TSPAN5: variants seen among roughly 807,000 people sequenced by gnomAD.
The protein encoded by TSPAN5 is tetraspanin-5.
In TSPAN5, 10 loss-of-function variants were observed where a neutral mutation model predicts 37.1. The ratio of observed to expected loss-of-function variants is 0.27; its 90% confidence interval spans 0.17 to 0.46. The LOEUF is 0.46. Ranked by LOEUF, TSPAN5 falls within the 20% of genes least tolerant of loss-of-function variation. TSPAN5 has a pLI of 1.00. For missense variants in TSPAN5, 195 were observed against 326.6 expected (o/e 0.60, Z 3.11); for synonymous variants, 110 against 118.9 (o/e 0.93, Z 0.48).
At chr4:98,631,472 C>T (rs1451954873) in intron 1 of TSPAN5, among the ~76,000 whole-genome samples, 2 of 152,054 alleles carry the variant, frequency 1.3e-5, no homozygotes, top group African/African-American at 4.8e-5. Context: ...ACATAGCACT[C>T]GATCTTTTTT....
chr4:98,504,780 C>G (rs971057089), intron 2 of TSPAN5, among the ~76,000 whole-genome samples: 11 of 152,068 alleles, frequency 7.2e-5, no homozygotes, highest in African/African-American at 2.7e-4. Context: ...GTGTGTATTC[C>G]ACACATGTCA....
In TSPAN5 at chr4:98,589,753, G is replaced by A. The variant is rs528681408; in HGVS notation, c.81+68393C>T. On this transcript the variant is annotated intron_variant, in intron 1 of 7. Transcript: ENST00000305798. ...AAATTTTTCATTACCTTGTGTTAAT[G>A]AAAACCATTTTCTCTGACCAACGCG... 2.0e-5 allele frequency among the ~76,000 whole-genome samples: 3 copies of A among 152,252 alleles called. No individual in the cohort carries two copies. In the South Asian group the frequency reaches 6.2e-4, roughly 32 times the overall value.
At chr4:98,582,914 T>C (rs1755401851) in intron 1 of TSPAN5, among the ~76,000 whole-genome samples, 1 of 152,186 alleles carries the variant, frequency 6.6e-6, no homozygotes. Context: ...GTCAAATAGC[T>C]GTTATGAGTT....
intron 7 of TSPAN5, among the ~76,000 whole-genome samples, chr4:98,473,932 TTTAAG>T (rs1752640883): frequency 1.3e-5 from 2 of 152,188 alleles, no homozygotes; most frequent in South Asian, 2.1e-4. Context: ...GCTGCCCATT[TTTAAG>T]TTGTTTGTCT....
chr4:98,476,571 C>A, intron 5 of TSPAN5, 111 bp from the exon 6 acceptor site: 1 of 951,980 alleles, frequency 1.1e-6, no homozygotes, highest in South Asian at 1.4e-5. Context: ...TGTATCTGGG[C>A]ACAAAGACTG....
intron 2 of TSPAN5, among the ~76,000 whole-genome samples, chr4:98,494,295 C>T (rs901989151): frequency 2.8e-4 from 43 of 151,966 alleles, no homozygotes; most frequent in East Asian, 2.0e-4. Context: ...CCTCCAATAT[C>T]CCCTGGGATC....
intron 1 of TSPAN5, among the ~76,000 whole-genome samples, chr4:98,564,651 T>C (rs1447869321): frequency 6.6e-6 from 1 of 152,136 alleles, no homozygotes; most frequent in Non-Finnish European, 1.5e-5. Context: ...ATTTAACTGC[T>C]GAGGCTTGGG....
intron 3 of TSPAN5, chr4:98,483,650 G>A (rs150002188): frequency 1.3e-5 from 2 of 152,406 alleles, no homozygotes; most frequent in East Asian, 3.9e-4. Context: ...AGGAGTGGAA[G>A]GTGGAAATAA....
At chr4:98,651,808 G>A (rs554088401) in intron 1 of TSPAN5, among the ~76,000 whole-genome samples, 52 of 151,158 alleles carry the variant, frequency 3.4e-4, no homozygotes, top group Non-Finnish European at 7.1e-4. Context: ...TAGGAAGTTA[G>A]AGGAGATGAT....
chr4:98,475,167 G>A (rs928023809), intron 7 of TSPAN5, among the ~76,000 whole-genome samples: 2 of 152,126 alleles, frequency 1.3e-5, no homozygotes, highest in Admixed American at 1.3e-4. Context: ...TTTTCCATAT[G>A]AATTTTAGGA....
chr4:98,604,083 A>G lies in TSPAN5; in HGVS notation c.81+54063T>C, dbSNP rs187810502. Among the ~76,000 whole-genome samples, 331 of 149,324 alleles carry G rather than the reference A, an allele frequency of 2.2e-3. 3 individuals carry two copies. The highest frequency in any genetic ancestry group is 0.014 in the Middle Eastern group (4 of 284). On this transcript the variant is annotated intron_variant, in intron 1 of 7. Coordinates refer to ENST00000305798, the MANE Select transcript of TSPAN5 (RefSeq NM_005723.4). Reference sequence around the variant, plus strand: ...TATGAAAACAGGCTGAACTAGCATGAAAAAAAAAAGAGAGTATCAGTCATT... The same window carrying G: ...TATGAAAACAGGCTGAACTAGCATGGAAAAAAAAAGAGAGTATCAGTCATT...
chr4:98,597,342 A>G (rs1383287866), intron 1 of TSPAN5, among the ~76,000 whole-genome samples: 1 of 19,070 alleles, frequency 5.2e-5, no homozygotes, highest in South Asian at 3.8e-3. Flanking sequence ...ATTCTTCTAA[A>G]TTTTTTTCAA....
chr4:98,513,481 G>A (rs1051482016), intron 1 of TSPAN5, among the ~76,000 whole-genome samples: 8 of 152,124 alleles, frequency 5.3e-5, no homozygotes, highest in Non-Finnish European at 8.8e-5. Flanking sequence ...ATCATGTCCT[G>A]GGCTGAAATA....
chr4:98,520,638 C>G (rs769204014), intron 1 of TSPAN5, among the ~76,000 whole-genome samples: 22 of 152,176 alleles, frequency 1.4e-4, no homozygotes, highest in Non-Finnish European at 2.9e-4. Flanking sequence ...ATAGTCTCCT[C>G]AAGTGTAAAT....
At chr4:98,531,606 T>C (rs1754092005) in intron 1 of TSPAN5, among the ~76,000 whole-genome samples, 1 of 152,186 alleles carries the variant, frequency 6.6e-6, no homozygotes, top group African/African-American at 2.4e-5. Context: ...GGTCAAATGG[T>C]ATTTCTAGTT....
chr4:98,530,691 A>G (rs2110128056), intron 1 of TSPAN5, among the ~76,000 whole-genome samples: 1 of 152,068 alleles, frequency 6.6e-6, no homozygotes, highest in East Asian at 1.9e-4. Flanking sequence ...AGCAGTTATT[A>G]GATTCACTTA....
Position 98,499,634 on chromosome 4 carries a change from C to T in TSPAN5, c.132+8044G>A, listed in dbSNP as rs1172673962. On this transcript the variant is annotated intron_variant, in intron 2 of 7. Coordinates refer to ENST00000305798, the MANE Select transcript of TSPAN5 (RefSeq NM_005723.4). ...GATCACATAGCTTCCAGGTACTGAC[C>T]ATGAGCTGTTTGGTTTCCAGCTCTT... is the stretch of plus-strand genomic sequence containing the variant. Among the ~76,000 whole-genome samples the T allele has an allele frequency of 2.0e-5, 3 of 150,668 alleles. No homozygotes were observed. The East Asian group carries it at 5.8e-4, about 29-fold the overall frequency.
At chr4:98,473,812 T>C (rs1461832192) in intron 7 of TSPAN5, among the ~76,000 whole-genome samples, 2 of 152,158 alleles carry the variant, frequency 1.3e-5, no homozygotes, top group Non-Finnish European at 2.9e-5. Flanking sequence ...AGGGACTGGG[T>C]TTTGCTCTGT....
At chr4:98,642,017 A>G (rs1756969673) in intron 1 of TSPAN5, among the ~76,000 whole-genome samples, 1 of 152,232 alleles carries the variant, frequency 6.6e-6, no homozygotes, top group Non-Finnish European at 1.5e-5. Flanking sequence ...CAACATATAA[A>G]TCCTAAGATT....
Sources: allele counts gnomAD v4.1 joint callset (sites outside exome capture counted in the v4.1 genomes callset), GRCh38; gene constraint gnomAD v4.1.1; transcripts MANE v1.5; gene names NCBI Gene and HGNC (gene_info 2026-07-23, HGNC 2026-07-21).